The following LGR6 variants were observed in gnomAD, a reference collection of about 807,000 sequenced individuals.
LGR6 encodes leucine rich repeat containing G protein-coupled receptor 6, also known as leucine-rich repeat-containing G protein-coupled receptor 6.
LGR6 carries 45 observed loss-of-function variants against 69.4 expected under a neutral mutation model. That is an observed-to-expected ratio of 0.65 (90% CI 0.51 to 0.83). LGR6 has a LOEUF of 0.83. Among genes scored for constraint, LGR6 ranks in the 40% least tolerant of loss-of-function variants. The probability of loss-of-function intolerance (pLI) is 0.00; values close to 1 mark genes in which losing one functional copy is unlikely to be tolerated. For missense variants in LGR6, 1,108 were observed against 1,246.7 expected (o/e 0.89, Z 1.68); for synonymous variants, 538 against 555.0 (o/e 0.97, Z 0.43).
chr1:202,281,063 C>A lies in LGR6; in HGVS notation c.716+211C>A, dbSNP rs1453333321. On this transcript the variant is annotated intron_variant, in intron 6 of 17. Transcript: ENST00000367278. ...TCCTCCTTCAGGTGGTCAGAATGTG[C>A]CCTCTGGGAGTTCAGAATGGCCCAG... is the stretch of plus-strand genomic sequence containing the variant. 1.3e-5 allele frequency: 7 copies of A among 549,756 alleles called. No individual in the cohort carries two copies. In the East Asian group the frequency reaches 2.0e-4, roughly 15 times the overall value. The allele number at this position is 549,756 out of a possible 1,614,324, so 34.1% of individuals were successfully genotyped here. A position where few individuals can be genotyped will look rare whatever the true frequency, so the allele number is the denominator to read the frequency against.
At chr1:202,287,825 C>A (rs1284978078) in intron 6 of LGR6, among the ~76,000 whole-genome samples, 1 of 152,196 alleles carries the variant, frequency 6.6e-6, no homozygotes, top group African/African-American at 2.4e-5. Flanking sequence ...TGCTCCAAGC[C>A]GCCATCCTTC....
chr1:202,261,690 A>C (rs1176062792), intron 4 of LGR6, among the ~76,000 whole-genome samples: 1 of 152,228 alleles, frequency 6.6e-6, no homozygotes, highest in Non-Finnish European at 1.5e-5. Context: ...ACTAGTTTAC[A>C]GTCCCACCAA....
intron 1 of LGR6, chr1:202,203,702 C>A: frequency 6.7e-6 from 7 of 1,050,014 alleles, no homozygotes; most frequent in Non-Finnish European, 1.0e-5. Context: ...CAGGCAGGGC[C>A]AGATACTGCG....
intron 13 of LGR6, 127 bp downstream of exon 13, chr1:202,307,066 C>A: frequency 1.2e-6 from 1 of 814,928 alleles, no homozygotes; most frequent in Non-Finnish European, 2.0e-6. Context: ...CCCAGCTCCA[C>A]AGCCCCCACC....
chr1:202,244,055 T>C (rs899740882), intron 4 of LGR6, among the ~76,000 whole-genome samples: 1 of 152,126 alleles, frequency 6.6e-6, no homozygotes, highest in Non-Finnish European at 1.5e-5. Context: ...CCTGCCGGGT[T>C]CAAGCAATTC....
intron 6 of LGR6, among the ~76,000 whole-genome samples, chr1:202,286,326 A>G (rs1216784256): frequency 1.3e-5 from 2 of 152,216 alleles, no homozygotes; most frequent in East Asian, 3.8e-4. Flanking sequence ...ATCTCAAGGT[A>G]AGTGCTGATC....
At chr1:202,255,355 A>G (rs1258232530) in intron 4 of LGR6, among the ~76,000 whole-genome samples, 1 of 152,196 alleles carries the variant, frequency 6.6e-6, no homozygotes, top group Non-Finnish European at 1.5e-5. Flanking sequence ...AGGAGCGGGC[A>G]TGGCCTTGAG....
chr1:202,314,542 G>A (rs1653993621), intron 16 of LGR6, among the ~76,000 whole-genome samples: 2 of 152,166 alleles, frequency 1.3e-5, no homozygotes, highest in Non-Finnish European at 2.9e-5. Flanking sequence ...AGAGGACATA[G>A]AGCCCTGACT....
chr1:202,236,019 G>A (rs370482372), intron 4 of LGR6, 26 bp downstream of exon 4: 9 of 1,602,800 alleles, frequency 5.6e-6, no homozygotes, highest in African/African-American at 2.7e-5. Context: ...GCTGGTCTGG[G>A]AGTCACCAGC....
intron 5 of LGR6, among the ~76,000 whole-genome samples, chr1:202,280,095 T>C (rs747179504): frequency 3.0e-4 from 45 of 152,246 alleles, no homozygotes; most frequent in Admixed American, 1.6e-3. Flanking sequence ...TTGTATGTTT[T>C]CATAATTTCC....
At position 202,318,622 on chromosome 1, in the gene LGR6, G is replaced by T; in HGVS notation, c.2319G>T (p.Arg773Ser). 6.2e-7 allele frequency: 1 copy of T among 1,613,920 alleles called. No homozygotes were observed. Among genetic ancestry groups the T allele is most frequent in the East Asian group, 2.2e-5 (1 of 44,882 alleles). Residue 773 changes from arginine to serine, a missense_variant, in exon 18 of 18, where the codon AGG (arginine) becomes AGT (serine). Coordinates refer to ENST00000367278, the MANE Select transcript of LGR6 (RefSeq NM_001017403.2). ...CCGTGTGGGACTGCGCCATGGTGAG[G>T]CACGTGGCCTGGCTCATCTTCGCAG... ...FEAVWDCAMV[R>S]HVAWLIFADG...
intron 8 of LGR6, 117 bp downstream of exon 8, chr1:202,301,037 G>A: frequency 7.8e-7 from 1 of 1,284,456 alleles, no homozygotes; most frequent in South Asian, 1.3e-5. Flanking sequence ...AAGTATGGGA[G>A]GGGTTGCCTT....
intron 7 of LGR6, chr1:202,298,524 C>CT (rs138106370): frequency 0.45 from 64,735 of 144,966 alleles, 15,498 homozygotes; most frequent in East Asian, 0.69. Context: ...AGCTTAGTAT[C>CT]TATTTTTTTT....
At chr1:202,310,132 T>A (rs535506713) in intron 15 of LGR6, 65 bp from the exon 16 acceptor site, 177 of 1,554,458 alleles carry the variant, frequency 1.1e-4, no homozygotes, top group Admixed American at 2.0e-4. Context: ...ATCTCTTAAA[T>A]CAGACTTAGG....
chr1:202,229,756 A>G (rs1231203086), intron 3 of LGR6, among the ~76,000 whole-genome samples: 1 of 152,130 alleles, frequency 6.6e-6, no homozygotes, highest in African/African-American at 2.4e-5. Flanking sequence ...CCACTTTGCC[A>G]TTGAGCCTCA....
chr1:202,288,320 A>G (rs950656157), intron 6 of LGR6, among the ~76,000 whole-genome samples: 1 of 152,090 alleles, frequency 6.6e-6, no homozygotes, highest in African/African-American at 2.4e-5. Context: ...CATAGCATGC[A>G]CCGCAATCTG....
intron 8 of LGR6, 89 bp from the exon 9 acceptor site, chr1:202,301,075 A>G: frequency 2.1e-6 from 3 of 1,400,020 alleles, no homozygotes; most frequent in Non-Finnish European, 3.0e-6. Context: ...CTGGGTCTAC[A>G]TTGATAGGAG....
At chr1:202,254,678 A>G (rs983210207) in intron 4 of LGR6, among the ~76,000 whole-genome samples, 2 of 152,210 alleles carry the variant, frequency 1.3e-5, no homozygotes, top group African/African-American at 4.8e-5. Flanking sequence ...TGCATATGCA[A>G]AGTCCAGAAT....
intron 17 of LGR6, 48 bp downstream of exon 17, chr1:202,314,930 C>T (rs781541274): frequency 3.5e-5 from 47 of 1,336,282 alleles, no homozygotes; most frequent in Admixed American, 5.1e-5. Flanking sequence ...GGAGAAAGGG[C>T]ACCCAACCAC....
Sources: gnomAD v4.1 joint callset for allele counts (sites outside exome capture counted in the v4.1 genomes callset) on GRCh38, gnomAD v4.1.1 for gene constraint, MANE v1.5 for transcripts, NCBI Gene and HGNC (gene_info 2026-07-23, HGNC 2026-07-21) for gene names.